Variants in PTPRD observed in about 807,000 individuals in gnomAD.
PTPRD encodes protein tyrosine phosphatase receptor type D.
In PTPRD, 34 loss-of-function variants were observed where a neutral mutation model predicts 214.5. The observed-to-expected ratio is 0.16, with a 90% CI of 0.12 to 0.21. The LOEUF is 0.21. PTPRD is among the 10% of genes least tolerant of loss of function. The pLI is 1.00. For synonymous variants in PTPRD, 1,128 were observed against 845.7 expected, an observed-to-expected ratio of 1.33 and a Z score of -5.79; for missense variants, 2,545 against 2,398.7, an observed-to-expected ratio of 1.06 and a Z score of -1.27.
chr9:8,903,574 T>C (rs1301203214), intron 11 of PTPRD, among the ~76,000 whole-genome samples: 1 of 152,220 alleles, frequency 6.6e-6, no homozygotes, highest in Non-Finnish European at 1.5e-5. Flanking sequence ...GTTGTTGCAC[T>C]GTAAGTAACA....
chr9:10,600,061 A>C (rs948940333), intron 2 of PTPRD, among the ~76,000 whole-genome samples: 1 of 151,812 alleles, frequency 6.6e-6, no homozygotes, highest in Admixed American at 6.6e-5. Context: ...GTCATTTAAA[A>C]TACAGAGATG....
intron 11 of PTPRD, among the ~76,000 whole-genome samples, chr9:8,821,140 A>G (rs1011301527): frequency 6.6e-6 from 1 of 152,068 alleles, no homozygotes; most frequent in African/African-American, 2.4e-5. Flanking sequence ...GCTCCTCTTG[A>G]TAGGTATTTT....
At chr9:9,809,191 C>G (rs2153535249) in intron 5 of PTPRD, among the ~76,000 whole-genome samples, 1 of 151,120 alleles carries the variant, frequency 6.6e-6, no homozygotes, top group Non-Finnish European at 1.5e-5. Flanking sequence ...GCCTTTTTTT[C>G]TGTCTATTCT....
At chr9:9,494,601 T>C (rs980439597) in intron 8 of PTPRD, among the ~76,000 whole-genome samples, 1 of 152,174 alleles carries the variant, frequency 6.6e-6, no homozygotes, top group Non-Finnish European at 1.5e-5. Flanking sequence ...AAAAATAAAA[T>C]ACTTGGGAAT....
At chr9:9,983,334 C>CA (rs1469750999) in intron 4 of PTPRD, among the ~76,000 whole-genome samples, 1 of 152,326 alleles carries the variant, frequency 6.6e-6, no homozygotes, top group African/African-American at 2.4e-5. Context: ...GCAGAGTCAA[C>CA]ACTGCTGCCT....
intron 10 of PTPRD, among the ~76,000 whole-genome samples, chr9:9,174,734 A>C (rs555712608): frequency 1.2e-4 from 19 of 152,328 alleles, no homozygotes; most frequent in African/African-American, 4.6e-4. Context: ...TTCTGCCTAG[A>C]AAAATTTAGG....
chr9:9,487,986 G>A (rs114085106), intron 8 of PTPRD, among the ~76,000 whole-genome samples: 1,888 of 152,178 alleles, frequency 0.012, 37 homozygotes, highest in African/African-American at 0.043. Flanking sequence ...TTTTTCCCAT[G>A]AGGTATTTTA....
chr9:10,062,174 T>C (rs1193042987), intron 3 of PTPRD, among the ~76,000 whole-genome samples: 2 of 152,084 alleles, frequency 1.3e-5, no homozygotes, highest in Non-Finnish European at 2.9e-5. Context: ...AGAACTCAAA[T>C]AACTACATAT....
chr9:9,110,526 T>C (rs1296825699), intron 10 of PTPRD, among the ~76,000 whole-genome samples: 2 of 152,128 alleles, frequency 1.3e-5, no homozygotes, highest in Admixed American at 6.6e-5. Flanking sequence ...TTCTCCACTC[T>C]TGCTAACCAT....
intron 11 of PTPRD, among the ~76,000 whole-genome samples, chr9:8,893,897 A>C (rs1471296799): frequency 6.6e-6 from 1 of 152,176 alleles, no homozygotes; most frequent in African/African-American, 2.4e-5. Flanking sequence ...CAAATCCCAC[A>C]GAACAATTTT....
intron 3 of PTPRD, among the ~76,000 whole-genome samples, chr9:10,041,168 A>G (rs924845196): frequency 6.6e-6 from 1 of 152,090 alleles, no homozygotes; most frequent in Non-Finnish European, 1.5e-5. Flanking sequence ...GCTTTTAAAT[A>G]TAACTATTGT....
At chr9:9,409,496 A>C (rs1427317552) in intron 8 of PTPRD, among the ~76,000 whole-genome samples, 1 of 152,116 alleles carries the variant, frequency 6.6e-6, no homozygotes, top group African/African-American at 2.4e-5. Flanking sequence ...ATTCAAGACC[A>C]GTAACACAGC....
At chr9:10,413,077 A>T (rs1371055981) in intron 2 of PTPRD, among the ~76,000 whole-genome samples, 1 of 151,774 alleles carries the variant, frequency 6.6e-6, no homozygotes, top group Non-Finnish European at 1.5e-5. Flanking sequence ...CTCTCTCACC[A>T]CTCCTATTCA....
chr9:10,492,176 T>C (rs1376351441), intron 2 of PTPRD, among the ~76,000 whole-genome samples: 1 of 152,180 alleles, frequency 6.6e-6, no homozygotes, highest in Admixed American at 6.5e-5. Flanking sequence ...TAAATATATG[T>C]GTGTATGTGT....
In PTPRD at chr9:8,315,619, CT is replaced by C. The variant is rs571993450; in HGVS notation, c.*2254del. On this transcript the variant is annotated 3_prime_UTR_variant, in exon 46 of 46. Transcript: ENST00000381196. ...TCATTCTGAGGTAGCCTTCTAGATA[CT>C]TTTTTTTAGTATTATATATATTTTC... 8.3e-5 allele frequency: 19 copies of C among 228,092 alleles called. No homozygotes were observed. Among genetic ancestry groups the C allele is most frequent in the South Asian group, 1.8e-4 (1 of 5,454 alleles). 14.1% of individuals were successfully genotyped at this position (228,092 alleles called of 1,614,324 possible).
At chr9:9,989,758 C>G (rs1042967205) in intron 4 of PTPRD, among the ~76,000 whole-genome samples, 2 of 152,174 alleles carry the variant, frequency 1.3e-5, no homozygotes, top group Admixed American at 1.3e-4. Flanking sequence ...GTGACACACA[C>G]CCGCTGGGGC....
At chr9:8,744,984 T>C (rs62528801) in intron 11 of PTPRD, among the ~76,000 whole-genome samples, 5,141 of 152,124 alleles carry the variant, frequency 0.034, 142 homozygotes, top group Non-Finnish European at 0.055. Context: ...AGAGGACAAA[T>C]ATTAACCATA....
At chr9:9,223,568 G>A (rs2099957537) in intron 9 of PTPRD, among the ~76,000 whole-genome samples, 2 of 151,814 alleles carry the variant, frequency 1.3e-5, no homozygotes, top group African/African-American at 4.8e-5. Context: ...CCTAACAAAT[G>A]CCTTCATTAT....
intron 9 of PTPRD, among the ~76,000 whole-genome samples, chr9:9,307,784 A>G (rs542755591): frequency 6.6e-6 from 1 of 152,300 alleles, no homozygotes; most frequent in Non-Finnish European, 1.5e-5. Context: ...AAAATTTATG[A>G]TCTATCATTT....
Sources: allele counts gnomAD v4.1 joint callset (sites outside exome capture counted in the v4.1 genomes callset), GRCh38; gene constraint gnomAD v4.1.1; transcripts MANE v1.5; gene names NCBI Gene and HGNC (gene_info 2026-07-23, HGNC 2026-07-21).